Variants in GABRG3 observed in about 807,000 individuals in gnomAD.
The protein encoded by GABRG3 is gamma-aminobutyric acid receptor subunit gamma-3.
In GABRG3, 25 loss-of-function variants were observed where a neutral mutation model predicts 48.8. That is an observed-to-expected ratio of 0.51 (90% CI 0.37 to 0.72). The LOEUF (loss-of-function observed/expected upper bound fraction) is 0.72, where lower values mean the gene tolerates loss of function less well. GABRG3 is among the 30% of genes least tolerant of loss of function. GABRG3 has a pLI of 0.00. For missense variants in GABRG3, 394 were observed against 577.9 expected, an observed-to-expected ratio of 0.68 and a Z score of 3.26; for synonymous variants, 227 against 217.6, an observed-to-expected ratio of 1.04 and a Z score of -0.38.
chr15:27,152,225 C>G (rs1898329864), intron 3 of GABRG3, among the ~76,000 whole-genome samples: 1 of 152,118 alleles, frequency 6.6e-6, no homozygotes, highest in Non-Finnish European at 1.5e-5. Context: ...GCACAATTTG[C>G]TGAAAAGACT....
chr15:27,234,347 G>A (rs1889892035), intron 3 of GABRG3, among the ~76,000 whole-genome samples: 1 of 152,164 alleles, frequency 6.6e-6, no homozygotes. Flanking sequence ...CCCCATCTCA[G>A]CCCTGCTGTG....
chr15:27,504,869 T>C (rs570880711), intron 6 of GABRG3, among the ~76,000 whole-genome samples: 28 of 152,318 alleles, frequency 1.8e-4, no homozygotes, highest in Admixed American at 8.5e-4. Flanking sequence ...TTTTTAAAAA[T>C]TTCTCCTTTG....
chr15:27,077,273 G>T (rs560859139), intron 3 of GABRG3, among the ~76,000 whole-genome samples: 1 of 152,104 alleles, frequency 6.6e-6, no homozygotes. Context: ...TTAGCAGAGC[G>T]GTTCCAACCG....
intron 3 of GABRG3, among the ~76,000 whole-genome samples, chr15:27,033,875 A>T (rs1215935623): frequency 6.6e-6 from 1 of 152,146 alleles, no homozygotes. Context: ...TTGTATTACA[A>T]CCTGTAAATT....
intron 6 of GABRG3, among the ~76,000 whole-genome samples, chr15:27,485,466 G>A (rs1341399458): frequency 2.0e-5 from 3 of 152,162 alleles, no homozygotes; most frequent in African/African-American, 7.2e-5. Flanking sequence ...CCAGGAGGGG[G>A]CGTCACGGTG....
chr15:27,075,092 A>G (rs1248340194), intron 3 of GABRG3, among the ~76,000 whole-genome samples: 1 of 152,338 alleles, frequency 6.6e-6, no homozygotes, highest in East Asian at 1.9e-4. Flanking sequence ...ACGATTTTCA[A>G]AAACAATTTT....
At chr15:26,972,442 T>C (rs1397583000) in intron 1 of GABRG3, among the ~76,000 whole-genome samples, 1 of 152,156 alleles carries the variant, frequency 6.6e-6, no homozygotes, top group Non-Finnish European at 1.5e-5. Flanking sequence ...GTTTCTTTAA[T>C]TCTGTCTCTC....
At chr15:27,095,652 A>G (rs894198698) in intron 3 of GABRG3, among the ~76,000 whole-genome samples, 3 of 152,114 alleles carry the variant, frequency 2.0e-5, no homozygotes, top group Non-Finnish European at 2.9e-5. Context: ...GGGAGAGGAG[A>G]CAAGTATCAT....
chr15:27,530,706 C>G (rs1269178976), intron 9 of GABRG3: 4 of 471,070 alleles, frequency 8.5e-6, no homozygotes, highest in Admixed American at 7.0e-5. Context: ...TCTGCCTCCC[C>G]GTCTAAGTCA....
chr15:27,303,663 A>G (rs1214416160), intron 3 of GABRG3, among the ~76,000 whole-genome samples: 1 of 151,310 alleles, frequency 6.6e-6, no homozygotes, highest in Non-Finnish European at 1.5e-5. Flanking sequence ...ACAAGAAAAA[A>G]GAAAACTACA....
At chr15:27,166,064 G>A (rs1226426585) in intron 3 of GABRG3, among the ~76,000 whole-genome samples, 2 of 152,110 alleles carry the variant, frequency 1.3e-5, no homozygotes, top group South Asian at 2.1e-4. Flanking sequence ...CTCTGATTAC[G>A]TCTTTAGGCA....
intron 3 of GABRG3, among the ~76,000 whole-genome samples, chr15:27,313,158 A>G (rs865907029): frequency 1.4e-5 from 2 of 145,576 alleles, no homozygotes; most frequent in South Asian, 4.3e-4. Context: ...TGTAATGATA[A>G]AAGAGTCAAT....
At chr15:27,135,666 G>A (rs1378745473) in intron 3 of GABRG3, among the ~76,000 whole-genome samples, 1 of 152,172 alleles carries the variant, frequency 6.6e-6, no homozygotes, top group African/African-American at 2.4e-5. Flanking sequence ...TAGCACTTTG[G>A]GAGCCCGAGG....
At chr15:27,486,291 C>T (rs1890217888) in intron 6 of GABRG3, among the ~76,000 whole-genome samples, 1 of 152,058 alleles carries the variant, frequency 6.6e-6, no homozygotes, top group Non-Finnish European at 1.5e-5. Flanking sequence ...TATTATAAGA[C>T]CACAAATAGG....
At chr15:27,351,691 CTG>C (rs1257366718) in intron 5 of GABRG3, among the ~76,000 whole-genome samples, 2 of 133,628 alleles carry the variant, frequency 1.5e-5, no homozygotes, top group Non-Finnish European at 3.2e-5. Context: ...TGTGTATGGT[CTG>C]TGTGTGTGTA....
At chr15:27,413,500 ACC>A (rs1254929085) in intron 5 of GABRG3, among the ~76,000 whole-genome samples, 1 of 152,220 alleles carries the variant, frequency 6.6e-6, no homozygotes, top group Non-Finnish European at 1.5e-5. Flanking sequence ...ATGAGCTGTC[ACC>A]TGTGCTTGAT....
intron 3 of GABRG3, among the ~76,000 whole-genome samples, chr15:27,290,443 G>A (rs147561125): frequency 8.7e-4 from 132 of 152,230 alleles, no homozygotes; most frequent in African/African-American, 3.0e-3. Flanking sequence ...AGTGGAGAAA[G>A]CTGGCAAATA....
At chr15:27,438,098 A>G (rs1487741588) in intron 5 of GABRG3, among the ~76,000 whole-genome samples, 2 of 152,198 alleles carry the variant, frequency 1.3e-5, no homozygotes, top group African/African-American at 2.4e-5. Context: ...AATATCCAAA[A>G]GATATCAGAA....
chr15:27,463,596 G>A (rs1389436331), intron 5 of GABRG3, among the ~76,000 whole-genome samples: 1 of 152,174 alleles, frequency 6.6e-6, no homozygotes, highest in African/African-American at 2.4e-5. Flanking sequence ...ACCATGCTGT[G>A]TGACCAGCCC....
Sources: allele counts gnomAD v4.1 joint callset (sites outside exome capture counted in the v4.1 genomes callset), GRCh38; gene constraint gnomAD v4.1.1; transcripts MANE v1.5; gene names NCBI Gene and HGNC (gene_info 2026-07-23, HGNC 2026-07-21).